PCDHGA4: variants seen among roughly 807,000 people sequenced by gnomAD.
PCDHGA4 encodes protocadherin gamma subfamily A, 4, also known as protocadherin gamma-A4.
PCDHGA4 carries 38 observed loss-of-function variants against 54.6 expected under a neutral mutation model. The observed-to-expected ratio is 0.70, with a 90% CI of 0.54 to 0.91. PCDHGA4 has a LOEUF of 0.91. PCDHGA4 is among the 40% of genes least tolerant of loss of function. PCDHGA4 has a pLI of 0.00. For missense variants in PCDHGA4, 1,298 were observed against 1,220.9 expected, an observed-to-expected ratio of 1.06 and a Z score of -0.94; for synonymous variants, 511 against 512.9, an observed-to-expected ratio of 1.00 and a Z score of 0.05.
chr5:141,385,108 A>G, intron 1 of PCDHGA4: 3 of 1,614,126 alleles, frequency 1.9e-6, no homozygotes. Context: ...GAACGTGCCC[A>G]CCTCGCACTT....
rs567174433 is a variant in PCDHGA4, at chr5:141,443,351, G to A, written c.2515-51456G>A. On this transcript the variant is annotated intron_variant, in intron 1 of 3. Coordinates refer to ENST00000571252, the MANE Select transcript of PCDHGA4 (RefSeq NM_018917.4). ...AAAACAAAAATTAACAAGGTTTAGT[G>A]GTCCATGCCTGTGGTCTCAGCTACT... 6.6e-5 allele frequency among the ~76,000 whole-genome samples: 10 copies of A among 152,072 alleles called. No homozygotes were observed. The South Asian group carries it at 2.1e-3, about 32-fold the overall frequency.
At chr5:141,408,373 T>C in intron 1 of PCDHGA4, 1 of 1,613,952 alleles carries the variant, frequency 6.2e-7, no homozygotes, top group Non-Finnish European at 8.5e-7. Flanking sequence ...TAGGGCTCAG[T>C]GTCCTGGATG....
At position 141,415,363 on chromosome 5, in the gene PCDHGA4, C is replaced by T. The variant is rs62378454; in HGVS notation, c.2514+57742C>T. 7,186 of 1,614,240 alleles carry T rather than the reference C, an allele frequency of 4.5e-3. 30 individuals carry two copies. Among genetic ancestry groups the T allele is most frequent in the South Asian group, 5.6e-3 (509 of 91,092 alleles). Reference sequence around the variant, plus strand: ...GCGCTGGCACAAGTCACGCCTGCTGCAGGCTTCAGGAGGCGGCTTGACAGG... The same window carrying T: ...GCGCTGGCACAAGTCACGCCTGCTGTAGGCTTCAGGAGGCGGCTTGACAGG... On this transcript the variant is annotated intron_variant, in intron 1 of 3. Transcript: ENST00000571252.
intron 1 of PCDHGA4, chr5:141,413,293 C>G: frequency 6.2e-7 from 1 of 1,613,946 alleles, no homozygotes; most frequent in South Asian, 1.1e-5. Context: ...CTACTCAATT[C>G]CTGAGGAATT....
chr5:141,432,191 G>C lies in PCDHGA4; in HGVS notation c.2515-62616G>C. 2.5e-6 allele frequency: 4 copies of C among 1,614,110 alleles called. No individual in the cohort carries two copies. Among genetic ancestry groups the C allele is most frequent in the Non-Finnish European group, 3.4e-6 (4 of 1,180,026 alleles). On this transcript the variant is annotated intron_variant, in intron 1 of 3. Coordinates refer to ENST00000571252, the MANE Select transcript of PCDHGA4 (RefSeq NM_018917.4). The surrounding 1 kb of genome is among the most constrained non-coding windows in gnomAD (Gnocchi z 6.0). ...TTCCCTCGTCTCTGTGACCGCCCAC[G>C]ACCCCGACTGTGAAGAGAACGCCCA... is the stretch of plus-strand genomic sequence containing the variant.
Position 141,477,514 on chromosome 5 carries a change from T to G in PCDHGA4, c.2515-17293T>G. 1 of 1,614,114 alleles carries G rather than the reference T, an allele frequency of 6.2e-7. No individual in the cohort carries two copies. Among genetic ancestry groups the G allele is most frequent in the Non-Finnish European group, 8.5e-7 (1 of 1,180,026 alleles). On this transcript the variant is annotated intron_variant, in intron 1 of 3. Coordinates refer to ENST00000571252, the MANE Select transcript of PCDHGA4 (RefSeq NM_018917.4). The surrounding 1 kb of genome is among the most constrained non-coding windows in gnomAD (Gnocchi z 4.9). Reference sequence around the variant, plus strand: ...CTCAATCTTCCTACGACGTTTACATTGAAGAAAACAACCTCCCCGGGGCTC... The same window carrying G: ...CTCAATCTTCCTACGACGTTTACATGGAAGAAAACAACCTCCCCGGGGCTC...
chr5:141,431,884 T>A lies in PCDHGA4; in HGVS notation c.2515-62923T>A. ...CCCTTTTAAATGTAAATGACCAAGA[T>A]TCTGAGGAAAACGGACAGGTGATCT... On this transcript the variant is annotated intron_variant, in intron 1 of 3. Transcript: ENST00000571252. This position sits in a 1 kb window ranked among gnomAD's most constrained non-coding sequence, Gnocchi z 4.8. 1.2e-6 allele frequency: 2 copies of A among 1,614,218 alleles called. No individual in the cohort carries two copies. Among genetic ancestry groups the A allele is most frequent in the Non-Finnish European group, 1.7e-6 (2 of 1,180,008 alleles).
At chr5:141,418,189 G>A in intron 1 of PCDHGA4, 1 of 1,614,046 alleles carries the variant, frequency 6.2e-7, no homozygotes, top group Admixed American at 1.7e-5. Flanking sequence ...AAGCTGTGGT[G>A]GAAAATCCTT....
chr5:141,434,894 C>T (rs1316284716), intron 1 of PCDHGA4, among the ~76,000 whole-genome samples: 1 of 143,118 alleles, frequency 7.0e-6, no homozygotes, highest in East Asian at 2.1e-4. Flanking sequence ...AATCCAGTCC[C>T]CTTCCCTCAT....
At chr5:141,414,097 T>C (rs1442366960) in intron 1 of PCDHGA4, 1 of 1,594,352 alleles carries the variant, frequency 6.3e-7, no homozygotes, top group South Asian at 1.1e-5. Context: ...AATAAAAATA[T>C]CAGAAAATCT....
chr5:141,421,069 A>T, intron 1 of PCDHGA4: 1 of 598,532 alleles, frequency 1.7e-6, no homozygotes, highest in Non-Finnish European at 2.8e-6. Context: ...AAGCGGAATG[A>T]GATGGATACT....
At chr5:141,499,689 CTTT>C (rs545067566) in intron 2 of PCDHGA4, among the ~76,000 whole-genome samples, 2 of 119,848 alleles carry the variant, frequency 1.7e-5, no homozygotes, top group African/African-American at 3.1e-5. Context: ...TAACAGATGA[CTTT>C]TTTTTTTTTT....
intron 1 of PCDHGA4, among the ~76,000 whole-genome samples, chr5:141,453,258 T>A (rs1336801456): frequency 1.6e-4 from 25 of 152,096 alleles, no homozygotes; most frequent in Admixed American, 1.6e-3. Flanking sequence ...GGGCTGCAAG[T>A]GCACACCACC....
chr5:141,456,984 C>G (rs374156327), intron 1 of PCDHGA4, among the ~76,000 whole-genome samples: 1 of 152,200 alleles, frequency 6.6e-6, no homozygotes, highest in East Asian at 1.9e-4. Flanking sequence ...AACAAACAAA[C>G]AAACAAAAAC....
At position 141,432,818 on chromosome 5, in the gene PCDHGA4, T is replaced by C. The variant is rs370597280; in HGVS notation, c.2515-61989T>C. On this transcript the variant is annotated intron_variant, in intron 1 of 3. Transcript: ENST00000571252. This position sits in a 1 kb window ranked among gnomAD's most constrained non-coding sequence, Gnocchi z 6.0. The stretch of plus-strand genomic sequence containing the variant: ...CGAGTCTCCAGCTAACTCTGAAACC[T>C]CAGACCTCACTCTGTACCTGGTGGT... 9.9e-6 allele frequency: 16 copies of C among 1,614,106 alleles called. No individual in the cohort carries two copies. The highest frequency in any genetic ancestry group is 1.4e-5 in the Non-Finnish European group (16 of 1,179,986).
chr5:141,486,498 T>C lies in PCDHGA4; in HGVS notation c.2515-8309T>C, dbSNP rs755907391. On this transcript the variant is annotated intron_variant, in intron 1 of 3. Coordinates refer to ENST00000571252, the MANE Select transcript of PCDHGA4 (RefSeq NM_018917.4). The surrounding 1 kb of genome is among the most constrained non-coding windows in gnomAD (Gnocchi z 5.0). The stretch of plus-strand genomic sequence containing the variant: ...CCTCTCAGTACCCACAGAACTATTT[T>C]CCTCAATATTTCAGATGTGAATGAT... 6.2e-7 allele frequency: 1 copy of C among 1,614,030 alleles called. No individual in the cohort carries two copies. The highest frequency in any genetic ancestry group is 8.5e-7 in the Non-Finnish European group (1 of 1,179,874).
rs369106233 is a variant in PCDHGA4 at position 141,370,518 on chromosome 5, G to A, written c.2514+12897G>A. 13 of 1,613,886 alleles carry A rather than the reference G, an allele frequency of 8.1e-6. No homozygotes were observed. The African/African-American group carries it at 1.7e-4, about 22-fold the overall frequency. Reference sequence around the variant, plus strand: ...CCGCTACGCTATTCCCGAGGAGCTGGACAGGGGCTCGCTGGTAGGGAACCT... The same window carrying A: ...CCGCTACGCTATTCCCGAGGAGCTGAACAGGGGCTCGCTGGTAGGGAACCT... On this transcript the variant is annotated intron_variant, in intron 1 of 3. Transcript: ENST00000571252.
intron 1 of PCDHGA4, chr5:141,426,908 G>C (rs1047101179): frequency 8.8e-6 from 4 of 456,612 alleles, no homozygotes; most frequent in African/African-American, 6.0e-5. Context: ...CTCATCTCCT[G>C]GTCCTGGAAG....
At chr5:141,364,343 C>T in intron 1 of PCDHGA4, 1 of 1,541,934 alleles carries the variant, frequency 6.5e-7, no homozygotes, top group Non-Finnish European at 8.7e-7. Context: ...GGCGAGTCCA[C>T]CTAGGGGCTG....
Sources: gnomAD v4.1 joint callset for allele counts (sites outside exome capture counted in the v4.1 genomes callset) on GRCh38, gnomAD v4.1.1 for gene constraint, Gnocchi (gnomAD v3.1) non-coding constraint, MANE v1.5 for transcripts, NCBI Gene and HGNC (gene_info 2026-07-23, HGNC 2026-07-21) for gene names.